LMX1A: variants seen among roughly 807,000 people sequenced by gnomAD.
LMX1A encodes the protein LIM homeobox transcription factor 1-alpha.
A neutral mutation model predicts 49.1 loss-of-function variants in LMX1A; 15 were observed. The observed-to-expected ratio is 0.31, with a 90% CI of 0.20 to 0.47. The LOEUF is 0.47. Among genes scored for constraint, LMX1A ranks in the 20% least tolerant of loss-of-function variants. The probability of loss-of-function intolerance (pLI) is 1.00; values close to 1 mark genes in which losing one functional copy is unlikely to be tolerated. For missense variants in LMX1A, 372 were observed against 475.8 expected (o/e 0.78, Z 2.03); for synonymous variants, 167 against 185.7 (o/e 0.90, Z 0.82).
intron 3 of LMX1A, among the ~76,000 whole-genome samples, chr1:165,352,780 C>T (rs1656471287): frequency 6.6e-6 from 1 of 152,228 alleles, no homozygotes. Flanking sequence ...CCTCTGGAAA[C>T]GGCCGAGTCA....
chr1:165,349,310 A>G (rs773385581), intron 3 of LMX1A, among the ~76,000 whole-genome samples: 1 of 152,282 alleles, frequency 6.6e-6, no homozygotes, highest in Non-Finnish European at 1.5e-5. Context: ...CAAACTAACC[A>G]GATCATAGAG....
chr1:165,340,130 C>T (rs1442280775), intron 3 of LMX1A, among the ~76,000 whole-genome samples: 1 of 152,120 alleles, frequency 6.6e-6, no homozygotes, highest in Non-Finnish European at 1.5e-5. Context: ...TTTTTTGAGA[C>T]AGGGTCTTGC....
intron 3 of LMX1A, among the ~76,000 whole-genome samples, chr1:165,344,253 G>A (rs984077539): frequency 6.6e-6 from 1 of 152,208 alleles, no homozygotes; most frequent in Non-Finnish European, 1.5e-5. Flanking sequence ...TCTACCTCAT[G>A]GCACTGCCAA....
intron 3 of LMX1A, among the ~76,000 whole-genome samples, chr1:165,316,182 T>TTATG (rs1312413775): frequency 6.6e-6 from 1 of 152,186 alleles, no homozygotes; most frequent in Admixed American, 6.5e-5. Context: ...CATTCTGTCT[T>TTATG]TATGTATGTG....
chr1:165,259,784 AAGGT>A (rs551608454), intron 3 of LMX1A, among the ~76,000 whole-genome samples: 88 of 152,204 alleles, frequency 5.8e-4, no homozygotes, highest in Admixed American at 2.0e-3. Context: ...GAGAGATGAA[AAGGT>A]ACTCCTCCAG....
chr1:165,278,014 A>G (rs1332415506), intron 3 of LMX1A, among the ~76,000 whole-genome samples: 1 of 152,244 alleles, frequency 6.6e-6, no homozygotes, highest in Non-Finnish European at 1.5e-5. Flanking sequence ...AGCTTAACAC[A>G]TATCAGCTAA....
chr1:165,233,787 T>G (rs1442737143), intron 4 of LMX1A, among the ~76,000 whole-genome samples: 1 of 152,238 alleles, frequency 6.6e-6, no homozygotes, highest in Admixed American at 6.5e-5. Context: ...GGCAGGTGCT[T>G]TGCCTGTTTT....
In LMX1A at chr1:165,255,150, C is replaced by T. The variant is rs76211810; in HGVS notation, c.264-5510G>A. Among the ~76,000 whole-genome samples, 18 of 152,252 alleles carry T rather than the reference C, an allele frequency of 1.2e-4. No individual in the cohort carries two copies. In the East Asian group the frequency reaches 2.5e-3, roughly 21 times the overall value. ...AGGCAGCAGACTCTAAATAAATGAC[C>T]TCAGTAGGATGTGTTTGGGATATGC... On this transcript the variant is annotated intron_variant, in intron 3 of 8. Coordinates refer to ENST00000342310, the MANE Select transcript of LMX1A (RefSeq NM_177398.4).
chr1:165,273,022 T>C (rs1387286401), intron 3 of LMX1A, among the ~76,000 whole-genome samples: 1 of 152,136 alleles, frequency 6.6e-6, no homozygotes, highest in Non-Finnish European at 1.5e-5. Flanking sequence ...AGAAGAAGCA[T>C]TCATGGTTTG....
intron 3 of LMX1A, among the ~76,000 whole-genome samples, chr1:165,265,298 AG>A (rs1168848022): frequency 6.6e-6 from 1 of 152,068 alleles, no homozygotes; most frequent in Non-Finnish European, 1.5e-5. Flanking sequence ...TTGCAAAAAT[AG>A]GAAGTTGCAG....
chr1:165,322,155 T>C (rs1476284945), intron 3 of LMX1A, among the ~76,000 whole-genome samples: 2 of 152,054 alleles, frequency 1.3e-5, no homozygotes, highest in Non-Finnish European at 2.9e-5. Flanking sequence ...AGGATGGCCA[T>C]AATATAAAAA....
At position 165,248,597 on chromosome 1, in the gene LMX1A, A is replaced by C. The variant is rs542817281; in HGVS notation, c.496+811T>G. ...TGTCTCCTCTCTTTCGCCAACCCTC[A>C]AGGCAGTAAGAGGGAGGGTCGAGCG... On this transcript the variant is annotated intron_variant, in intron 4 of 8. Coordinates refer to ENST00000342310, the MANE Select transcript of LMX1A (RefSeq NM_177398.4). 7.9e-5 allele frequency among the ~76,000 whole-genome samples: 12 copies of C among 152,282 alleles called. No individual in the cohort carries two copies. The South Asian group carries it at 8.3e-4, about 11-fold the overall frequency.
At chr1:165,296,964 T>G (rs1654638237) in intron 3 of LMX1A, among the ~76,000 whole-genome samples, 1 of 152,246 alleles carries the variant, frequency 6.6e-6, no homozygotes, top group Non-Finnish European at 1.5e-5. Context: ...ATGAGTTAGA[T>G]GTACAGGAAG....
chr1:165,354,574 G>A (rs1182640841), intron 2 of LMX1A, among the ~76,000 whole-genome samples: 1 of 152,078 alleles, frequency 6.6e-6, no homozygotes, highest in Non-Finnish European at 1.5e-5. Flanking sequence ...ACGTGATTTC[G>A]TTTCATCTAG....
intron 3 of LMX1A, among the ~76,000 whole-genome samples, chr1:165,279,526 G>T (rs1351599249): frequency 6.6e-6 from 1 of 152,184 alleles, no homozygotes; most frequent in African/African-American, 2.4e-5. Context: ...GAGAGAGAAG[G>T]CTGGTGCTGA....
intron 3 of LMX1A, among the ~76,000 whole-genome samples, chr1:165,283,123 C>T (rs1011569540): frequency 1.3e-5 from 2 of 152,066 alleles, no homozygotes; most frequent in African/African-American, 4.8e-5. Flanking sequence ...CAATGGTGGA[C>T]CCATAAAATT....
At chr1:165,264,418 T>TCA (rs1557867383) in intron 3 of LMX1A, among the ~76,000 whole-genome samples, 1 of 146,950 alleles carries the variant, frequency 6.8e-6, no homozygotes, top group Non-Finnish European at 1.5e-5. Context: ...ATGCATATGC[T>TCA]CGCACACACA....
intron 5 of LMX1A, 124 bp from the exon 6 acceptor site, chr1:165,210,900 A>G (rs1322375682): frequency 9.6e-6 from 5 of 518,202 alleles, no homozygotes; most frequent in Non-Finnish European, 1.7e-5. Flanking sequence ...AATAGTTTTT[A>G]ATGTTGAGCA....
At chr1:165,265,973 T>C (rs1653607496) in intron 3 of LMX1A, among the ~76,000 whole-genome samples, 1 of 152,172 alleles carries the variant, frequency 6.6e-6, no homozygotes, top group Non-Finnish European at 1.5e-5. Context: ...GGAACCTAAA[T>C]GATTGGTTAT....
Sources: allele counts gnomAD v4.1 joint callset (sites outside exome capture counted in the v4.1 genomes callset), GRCh38; gene constraint gnomAD v4.1.1; transcripts MANE v1.5; gene names NCBI Gene and HGNC (gene_info 2026-07-23, HGNC 2026-07-21).